The following GALNT2 variants were observed in gnomAD, a reference collection of about 807,000 sequenced individuals.
GALNT2 encodes polypeptide N-acetylgalactosaminyltransferase 2, also known as UDP-GalNAc:polypeptide N-acetylgalactosaminyltransferase 2.
In GALNT2, 31 loss-of-function variants were observed where a neutral mutation model predicts 81.4. That is an observed-to-expected ratio of 0.38 (90% CI 0.29 to 0.51). The LOEUF (loss-of-function observed/expected upper bound fraction) is 0.51, where lower values mean the gene tolerates loss of function less well. GALNT2 is among the 20% of genes least tolerant of loss of function. The pLI is 0.87. For synonymous variants in GALNT2, 303 were observed against 287.4 expected, an observed-to-expected ratio of 1.05 and a Z score of -0.55; for missense variants, 629 against 765.7, an observed-to-expected ratio of 0.82 and a Z score of 2.11.
chr1:230,133,293 G>C (rs1431773118), intron 1 of GALNT2, among the ~76,000 whole-genome samples: 1 of 152,144 alleles, frequency 6.6e-6, no homozygotes, highest in Non-Finnish European at 1.5e-5. Flanking sequence ...TAAGGCTTTT[G>C]ATAGATGTTC....
intron 2 of GALNT2, among the ~76,000 whole-genome samples, chr1:230,184,592 G>A (rs73111985): frequency 0.091 from 13,800 of 151,902 alleles, 722 homozygotes; most frequent in South Asian, 0.19. Context: ...CATGGTTTCT[G>A]AGAAGACATT....
intron 3 of GALNT2, among the ~76,000 whole-genome samples, chr1:230,221,988 G>T: frequency 7.1e-6 from 1 of 140,444 alleles, no homozygotes. Context: ...TTTCATCCTT[G>T]ACATCAAGTG....
chr1:230,102,028 A>G (rs1387673115), intron 1 of GALNT2, among the ~76,000 whole-genome samples: 1 of 152,214 alleles, frequency 6.6e-6, no homozygotes, highest in Non-Finnish European at 1.5e-5. Context: ...TGCGGGCACA[A>G]TTTGCCCTTC....
intron 1 of GALNT2, among the ~76,000 whole-genome samples, chr1:230,162,178 A>G (rs532592618): frequency 6.6e-6 from 1 of 152,320 alleles, no homozygotes; most frequent in South Asian, 2.1e-4. Flanking sequence ...AGATTTTCAC[A>G]AGCACTGAAG....
chr1:230,131,807 G>A (rs1022484878), intron 1 of GALNT2, among the ~76,000 whole-genome samples: 8 of 152,154 alleles, frequency 5.3e-5, no homozygotes, highest in Non-Finnish European at 7.3e-5. Context: ...AGTAAGCAGC[G>A]AACTGTTTCT....
intron 1 of GALNT2, among the ~76,000 whole-genome samples, chr1:230,087,897 T>TA (rs1257915752): frequency 6.6e-6 from 1 of 152,220 alleles, no homozygotes; most frequent in Non-Finnish European, 1.5e-5. Flanking sequence ...TATGAGTACT[T>TA]ACTCTGGAAG....
At chr1:230,246,286 T>C (rs1665367677) in intron 8 of GALNT2, 136 bp downstream of exon 8, 1 of 698,762 alleles carries the variant, frequency 1.4e-6, no homozygotes, top group Non-Finnish European at 2.5e-6. Context: ...AAAAACCACC[T>C]GTGTGCTTAA....
intron 1 of GALNT2, among the ~76,000 whole-genome samples, chr1:230,128,257 A>ATG (rs59410758): frequency 0.027 from 3,993 of 149,860 alleles, 128 homozygotes; most frequent in East Asian, 0.095. Context: ...GCGCTGGAGA[A>ATG]TGTGTGTGTG....
At chr1:230,160,254 T>C (rs1400714677) in intron 1 of GALNT2, among the ~76,000 whole-genome samples, 1 of 152,180 alleles carries the variant, frequency 6.6e-6, no homozygotes, top group Non-Finnish European at 1.5e-5. Context: ...GGCCAGGCAT[T>C]GTACCAGGTG....
chr1:230,083,209 C>CG (rs372103126), intron 1 of GALNT2, among the ~76,000 whole-genome samples: 14 of 119,138 alleles, frequency 1.2e-4, no homozygotes, highest in South Asian at 8.6e-4. Context: ...GATGATGGAG[C>CG]GGGGGGGCCA....
chr1:230,122,989 T>C (rs993629850), intron 1 of GALNT2, among the ~76,000 whole-genome samples: 1 of 152,136 alleles, frequency 6.6e-6, no homozygotes, highest in African/African-American at 2.4e-5. Context: ...GCAGTAGTGA[T>C]TTATCAAGAC....
chr1:230,254,805 A>G (rs1355986616), intron 10 of GALNT2, among the ~76,000 whole-genome samples: 2 of 152,224 alleles, frequency 1.3e-5, no homozygotes, highest in Non-Finnish European at 2.9e-5. Context: ...AGTGCAAATG[A>G]TCGTGAGCCA....
At chr1:230,219,164 CTTCT>C (rs1303137300) in intron 3 of GALNT2, among the ~76,000 whole-genome samples, 1 of 152,218 alleles carries the variant, frequency 6.6e-6, no homozygotes, top group Non-Finnish European at 1.5e-5. Flanking sequence ...TCTGTTGCCT[CTTCT>C]TTATGATGAT....
At chr1:230,092,496 A>G (rs764755080) in intron 1 of GALNT2, among the ~76,000 whole-genome samples, 48 of 151,770 alleles carry the variant, frequency 3.2e-4, no homozygotes, top group Non-Finnish European at 5.4e-4. Context: ...GGCACGCGCC[A>G]CCAAGCCTGG....
intron 1 of GALNT2, among the ~76,000 whole-genome samples, chr1:230,105,922 A>G (rs139417153): frequency 6.4e-4 from 98 of 152,254 alleles, no homozygotes; most frequent in Middle Eastern, 3.4e-3. Context: ...GCACACTTTC[A>G]TCTCTCCAGC....
chr1:230,062,072 T>C (rs553486922), intron 1 of GALNT2, among the ~76,000 whole-genome samples: 18 of 152,358 alleles, frequency 1.2e-4, no homozygotes, highest in African/African-American at 4.1e-4. Flanking sequence ...GCCAACAGAA[T>C]GTTTTGTCAA....
chr1:230,153,555 G>C (rs1339700939), intron 1 of GALNT2, among the ~76,000 whole-genome samples: 15 of 152,154 alleles, frequency 9.9e-5, no homozygotes, highest in Admixed American at 9.8e-4. Context: ...GGTGTTTTTT[G>C]AAAGGGCTGG....
intron 10 of GALNT2, among the ~76,000 whole-genome samples, chr1:230,251,743 G>A (rs959765609): frequency 6.6e-6 from 1 of 152,184 alleles, no homozygotes; most frequent in Non-Finnish European, 1.5e-5. Context: ...GCCCAGTAGG[G>A]CAGCGTATCG....
At chr1:230,216,264 C>T (rs1345613190) in intron 3 of GALNT2, among the ~76,000 whole-genome samples, 1 of 152,164 alleles carries the variant, frequency 6.6e-6, no homozygotes, top group African/African-American at 2.4e-5. Flanking sequence ...TTTTAGGAAA[C>T]AGTCAAAATA....
Sources: allele counts gnomAD v4.1 joint callset (sites outside exome capture counted in the v4.1 genomes callset), GRCh38; gene constraint gnomAD v4.1.1; transcripts MANE v1.5; gene names NCBI Gene and HGNC (gene_info 2026-07-23, HGNC 2026-07-21).